PTPRG: variants seen among roughly 807,000 people sequenced by gnomAD.
PTPRG encodes protein tyrosine phosphatase receptor type G.
A neutral mutation model predicts 165.3 loss-of-function variants in PTPRG; 102 were observed. That is an observed-to-expected ratio of 0.62 (90% CI 0.53 to 0.73). The LOEUF is 0.73. Among genes scored for constraint, PTPRG ranks in the 30% least tolerant of loss-of-function variants. The probability of loss-of-function intolerance (pLI) is 0.00; values close to 1 mark genes in which losing one functional copy is unlikely to be tolerated. For synonymous variants in PTPRG, 675 were observed against 669.5 expected, an observed-to-expected ratio of 1.01 and a Z score of -0.13; for missense variants, 1,866 against 1,861.4, an observed-to-expected ratio of 1.00 and a Z score of -0.05.
At chr3:62,018,333 C>T (rs749009502) in intron 4 of PTPRG, among the ~76,000 whole-genome samples, 29 of 152,188 alleles carry the variant, frequency 1.9e-4, no homozygotes, top group Non-Finnish European at 3.4e-4. Flanking sequence ...TGCTTTTCCA[C>T]GTTCAGATAA....
At chr3:61,849,619 G>A (rs180814083) in intron 2 of PTPRG, among the ~76,000 whole-genome samples, 15 of 152,280 alleles carry the variant, frequency 9.9e-5, no homozygotes, top group Admixed American at 5.9e-4. Flanking sequence ...GCAGTGTGAG[G>A]GAAGCCCACA....
intron 1 of PTPRG, among the ~76,000 whole-genome samples, chr3:61,668,766 A>G (rs560794022): frequency 5.0e-4 from 76 of 152,306 alleles, no homozygotes; most frequent in African/African-American, 1.7e-3. Flanking sequence ...GTAGAATCAC[A>G]ACAAATGTGA....
chr3:62,259,388 C>G (rs1701627267), intron 16 of PTPRG, among the ~76,000 whole-genome samples: 1 of 151,818 alleles, frequency 6.6e-6, no homozygotes, highest in Non-Finnish European at 1.5e-5. Flanking sequence ...CTAATGAGAG[C>G]TGATGAGCTA....
chr3:61,562,916 G>T (rs1699799754), intron 1 of PTPRG, among the ~76,000 whole-genome samples: 1 of 152,082 alleles, frequency 6.6e-6, no homozygotes, highest in East Asian at 1.9e-4. Flanking sequence ...GATGTGTGGG[G>T]AGCAGCCTGC....
At chr3:61,621,051 A>ATATATATATATATATATATGTGTG in intron 1 of PTPRG, among the ~76,000 whole-genome samples, 6 of 117,998 alleles carry the variant, frequency 5.1e-5, no homozygotes, top group East Asian at 5.6e-4. Context: ...ATATATATAT[A>ATATATATATATATATATATGTGTG]TGTGTGTGTG....
chr3:61,831,181 G>C (rs954661659), intron 2 of PTPRG, among the ~76,000 whole-genome samples: 23 of 152,232 alleles, frequency 1.5e-4, no homozygotes, highest in Admixed American at 7.8e-4. Context: ...TATTTTCATG[G>C]AGGCATTATT....
At chr3:61,732,849 T>C (rs912018896) in intron 1 of PTPRG, among the ~76,000 whole-genome samples, 1 of 152,230 alleles carries the variant, frequency 6.6e-6, no homozygotes, top group African/African-American at 2.4e-5. Flanking sequence ...TGTGAACATA[T>C]GCCTGCGTGG....
chr3:61,831,626 T>C (rs960756608), intron 2 of PTPRG, among the ~76,000 whole-genome samples: 2 of 152,208 alleles, frequency 1.3e-5, no homozygotes, highest in Non-Finnish European at 2.9e-5. Flanking sequence ...AGTTATTCTA[T>C]CTACAATTGT....
At chr3:61,577,709 TAG>T (rs1700199765) in intron 1 of PTPRG, among the ~76,000 whole-genome samples, 1 of 152,214 alleles carries the variant, frequency 6.6e-6, no homozygotes, top group Admixed American at 6.5e-5. Context: ...GGCACTGGTC[TAG>T]AGAGCTCTTT....
At chr3:61,782,462 T>A (rs2034573582) in intron 2 of PTPRG, among the ~76,000 whole-genome samples, 1 of 152,212 alleles carries the variant, frequency 6.6e-6, no homozygotes, top group African/African-American at 2.4e-5. Context: ...AACCCTGCCT[T>A]CACAAAACTT....
Position 62,048,736 on chromosome 3 carries a change from C to G in PTPRG, c.520-29427C>G, listed in dbSNP as rs566036109. Among the ~76,000 whole-genome samples the G allele has an allele frequency of 3.3e-5, 5 of 152,300 alleles. No homozygotes were observed. The South Asian group carries it at 1.0e-3, about 32-fold the overall frequency. ...ATCCTAGTGGTCCTTTATTCTCTAT[C>G]TAGAATCATACAAGTTTCCTGCATT... On this transcript the variant is annotated intron_variant, in intron 4 of 29. Coordinates refer to ENST00000474889, the MANE Select transcript of PTPRG (RefSeq NM_002841.4).
At chr3:61,944,188 T>C (rs1331058218) in intron 2 of PTPRG, among the ~76,000 whole-genome samples, 1 of 152,170 alleles carries the variant, frequency 6.6e-6, no homozygotes, top group Non-Finnish European at 1.5e-5. Flanking sequence ...AGATAACTGC[T>C]GTGACACCTC....
chr3:61,959,133 C>T (rs189729339), intron 2 of PTPRG, among the ~76,000 whole-genome samples: 2 of 152,298 alleles, frequency 1.3e-5, no homozygotes, highest in East Asian at 3.9e-4. Flanking sequence ...AATGCTGCTC[C>T]CTCCGGTCCC....
At chr3:62,127,122 A>G (rs184916494) in intron 5 of PTPRG, among the ~76,000 whole-genome samples, 1 of 152,322 alleles carries the variant, frequency 6.6e-6, no homozygotes, top group Non-Finnish European at 1.5e-5. Flanking sequence ...ACATGGCCAC[A>G]TTTCCTAAAT....
intron 1 of PTPRG, among the ~76,000 whole-genome samples, chr3:61,649,347 A>G (rs1702287169): frequency 6.6e-6 from 1 of 152,148 alleles, no homozygotes; most frequent in Non-Finnish European, 1.5e-5. Context: ...ATATAAATTT[A>G]TTTCTCACAG....
intron 2 of PTPRG, among the ~76,000 whole-genome samples, chr3:61,890,029 T>C (rs1281963710): frequency 6.6e-6 from 1 of 152,244 alleles, no homozygotes; most frequent in Non-Finnish European, 1.5e-5. Context: ...TGCACATAAC[T>C]ATTCTCATAC....
chr3:62,165,137 T>G (rs1315764999), intron 7 of PTPRG, among the ~76,000 whole-genome samples: 1 of 152,228 alleles, frequency 6.6e-6, no homozygotes, highest in East Asian at 1.9e-4. Context: ...CTTCCACATA[T>G]GAGGGGCTTT....
chr3:62,081,644 C>T (rs1478078028), intron 5 of PTPRG, among the ~76,000 whole-genome samples: 1 of 152,182 alleles, frequency 6.6e-6, no homozygotes, highest in Non-Finnish European at 1.5e-5. Context: ...TGCGCCCGGC[C>T]CCTTTGTCTT....
intron 2 of PTPRG, among the ~76,000 whole-genome samples, chr3:61,882,200 G>A (rs1173768004): frequency 6.6e-6 from 1 of 152,172 alleles, no homozygotes; most frequent in Non-Finnish European, 1.5e-5. Context: ...AGAGTATTGG[G>A]GTAACTTATA....
Sources: gnomAD v4.1 joint callset for allele counts (sites outside exome capture counted in the v4.1 genomes callset) on GRCh38, gnomAD v4.1.1 for gene constraint, MANE v1.5 for transcripts, NCBI Gene and HGNC (gene_info 2026-07-23, HGNC 2026-07-21) for gene names.